The following PCGF5 variants were observed in gnomAD, a reference collection of about 807,000 sequenced individuals.
PCGF5 encodes the protein polycomb group RING finger protein 5.
PCGF5 carries 9 observed loss-of-function variants against 44.3 expected under a neutral mutation model. The ratio of observed to expected loss-of-function variants is 0.20; its 90% CI spans 0.12 to 0.35. PCGF5 has a LOEUF of 0.35. Among genes scored for constraint, PCGF5 ranks in the 10% least tolerant of loss-of-function variants. PCGF5 has a pLI of 1.00. For missense variants in PCGF5, 146 were observed against 305.3 expected, an observed-to-expected ratio of 0.48 and a Z score of 3.89; for synonymous variants, 95 against 102.5, an observed-to-expected ratio of 0.93 and a Z score of 0.44.
chr10:91,198,750 G>A (rs4933651), intron 1 of PCGF5, among the ~76,000 whole-genome samples: 141,482 of 152,322 alleles, frequency 0.93, 65,795 homozygotes, highest in African/African-American at 0.97. Flanking sequence ...CCAGGATGAC[G>A]TTTTGGCCTT....
At chr10:91,182,681 G>A (rs967130854) in intron 1 of PCGF5, among the ~76,000 whole-genome samples, 1 of 152,126 alleles carries the variant, frequency 6.6e-6, no homozygotes, top group Non-Finnish European at 1.5e-5. Flanking sequence ...TGGGCATTTA[G>A]TGCTATAAAT....
rs147337782 is a variant in PCGF5, at chr10:91,189,351, G to A, written c.-184+26270G>A. Among the ~76,000 whole-genome samples the A allele has an allele frequency of 5.3e-3, 812 of 152,254 alleles. 7 individuals carry two copies. Among genetic ancestry groups the A allele is most frequent in the African/African-American group, 0.018 (752 of 41,540 alleles). On this transcript the variant is annotated intron_variant, in intron 1 of 9. Coordinates refer to the PCGF5 transcript ENST00000614189. ...CTATCTCCACTAGACAGTGCACTCA[G>A]CAAAGGCAGGGAGGTGATGTTTTGA...
intron 1 of PCGF5, among the ~76,000 whole-genome samples, chr10:91,169,951 C>T (rs1843573658): frequency 6.6e-6 from 1 of 152,052 alleles, no homozygotes. Flanking sequence ...ATAGAGAGCC[C>T]ATAAATAGAC....
intron 3 of PCGF5, among the ~76,000 whole-genome samples, chr10:91,243,181 T>TA (rs1396321702): frequency 1.3e-5 from 2 of 152,176 alleles, no homozygotes; most frequent in Non-Finnish European, 2.9e-5. Flanking sequence ...GGCCTGAGTA[T>TA]ACCAGGAGAC....
chr10:91,182,298 G>A (rs201669512), intron 1 of PCGF5, among the ~76,000 whole-genome samples: 1 of 145,236 alleles, frequency 6.9e-6, no homozygotes, highest in African/African-American at 2.5e-5. Context: ...AGGGTGTATG[G>A]GTCCAGGAAT....
intron 5 of PCGF5, among the ~76,000 whole-genome samples, 194 bp from the exon 6 acceptor site, chr10:91,251,097 AT>A (rs34772046): frequency 0.024 from 3,390 of 138,648 alleles, 48 homozygotes; most frequent in Non-Finnish European, 0.032. Flanking sequence ...TAAGTTTCCA[AT>A]TTTTTTTTTT....
intron 7 of PCGF5, among the ~76,000 whole-genome samples, chr10:91,263,608 G>A (rs1355283822): frequency 6.6e-6 from 1 of 152,174 alleles, no homozygotes; most frequent in Non-Finnish European, 1.5e-5. Context: ...TATTTGTAGG[G>A]ATCGATGATA....
intron 2 of PCGF5, chr10:91,227,265 T>C (rs1336759689): frequency 4.2e-6 from 2 of 472,730 alleles, no homozygotes; most frequent in African/African-American, 2.0e-5. Flanking sequence ...TGAACTCATG[T>C]ATTCTGAGAC....
intron 1 of PCGF5, among the ~76,000 whole-genome samples, chr10:91,185,449 G>A (rs1843902988): frequency 2.6e-5 from 4 of 152,228 alleles, no homozygotes; most frequent in Non-Finnish European, 5.9e-5. Flanking sequence ...TCCGTGCCTG[G>A]CTGGAATTCC....
At chr10:91,207,374 G>A (rs999213470) in intron 1 of PCGF5, among the ~76,000 whole-genome samples, 5 of 152,240 alleles carry the variant, frequency 3.3e-5, no homozygotes, top group East Asian at 1.9e-4. Flanking sequence ...ATGAACATCC[G>A]TATATCTCTC....
intron 2 of PCGF5, among the ~76,000 whole-genome samples, chr10:91,238,512 A>G (rs1368359489): frequency 2.6e-5 from 4 of 151,890 alleles, no homozygotes; most frequent in Non-Finnish European, 4.4e-5. Flanking sequence ...GTTGAGTACA[A>G]TAAACCTTTT....
intron 1 of PCGF5, among the ~76,000 whole-genome samples, chr10:91,210,027 T>C (rs1268834990): frequency 6.6e-6 from 1 of 152,238 alleles, no homozygotes; most frequent in African/African-American, 2.4e-5. Context: ...CTTCTGGCAT[T>C]TAGATGGATA....
Position 91,248,573 on chromosome 10 carries a change from T to C in PCGF5, c.265+13T>C, listed in dbSNP as rs766472202. 1 of 1,612,134 alleles carries C rather than the reference T, an allele frequency of 6.2e-7. No homozygotes were observed. The highest frequency in any genetic ancestry group is 8.5e-7 in the Non-Finnish European group (1 of 1,178,570). On this transcript the variant is annotated intron_variant, in intron 4 of 9. Coordinates refer to ENST00000336126, the MANE Select transcript of PCGF5 (RefSeq NM_032373.5). ...GGACTACGAGAACGTAAGTGGCTCT[T>C]TAGGTTCTTGCAGACTTTTGTGTTT...
chr10:91,278,425 G>A lies in PCGF5; in HGVS notation c.*109G>A, dbSNP rs1846370097. 1.0e-6 allele frequency: 1 copy of A among 988,308 alleles called. No homozygotes were observed. Among genetic ancestry groups the A allele is most frequent in the Non-Finnish European group, 1.6e-6 (1 of 624,910 alleles). 61.2% of individuals were successfully genotyped at this position (988,308 alleles called of 1,614,324 possible). Reference sequence around the variant, plus strand: ...CTAGAGGAACACAACCAGATTTTCAGCATGCAAATAAGGCCATTGTCTATC... The same window carrying A: ...CTAGAGGAACACAACCAGATTTTCAACATGCAAATAAGGCCATTGTCTATC... On this transcript the variant is annotated 3_prime_UTR_variant, in exon 10 of 10. Coordinates refer to ENST00000336126, the MANE Select transcript of PCGF5 (RefSeq NM_032373.5).
chr10:91,261,195 G>C, intron 6 of PCGF5, 131 bp from the exon 7 acceptor site: 1 of 1,147,052 alleles, frequency 8.7e-7, no homozygotes, highest in Non-Finnish European at 1.1e-6. Context: ...GCTATAAATT[G>C]AAATGTTTTC....
intron 1 of PCGF5, among the ~76,000 whole-genome samples, chr10:91,187,404 T>C (rs1843947018): frequency 6.6e-6 from 1 of 152,126 alleles, no homozygotes; most frequent in Non-Finnish European, 1.5e-5. Context: ...TGAATGCACC[T>C]GCTTTGTGGA....
intron 9 of PCGF5, among the ~76,000 whole-genome samples, chr10:91,277,124 A>G (rs909327389): frequency 1.3e-5 from 2 of 152,146 alleles, no homozygotes; most frequent in African/African-American, 4.8e-5. Flanking sequence ...GGAGAGCAAG[A>G]CCTAGGGCAT....
rs1490536380 is a variant in PCGF5 at position 91,281,253 on chromosome 10, TAGA to T, written c.*2938_*2940del. The T allele has an allele frequency of 6.6e-6, 1 of 152,384 alleles. No individual in the cohort carries two copies. Among genetic ancestry groups the T allele is most frequent in the African/African-American group, 2.4e-5 (1 of 41,444 alleles). The allele number at this position is 152,384 out of a possible 1,614,324, so 9.4% of individuals were successfully genotyped here. ...TTGGGTAATGCCTTTTAACTACTCT[TAGA>T]GGAGTATATTATTTCTTTATACATT... On this transcript the variant is annotated 3_prime_UTR_variant, in exon 10 of 10. Coordinates refer to ENST00000336126, the MANE Select transcript of PCGF5 (RefSeq NM_032373.5).
intron 8 of PCGF5, among the ~76,000 whole-genome samples, chr10:91,269,894 T>C (rs1245112378): frequency 2.0e-5 from 3 of 152,218 alleles, no homozygotes; most frequent in African/African-American, 7.2e-5. Context: ...TATGAATCTT[T>C]TGCTGTTATG....
Sources: gnomAD v4.1 joint callset for allele counts (sites outside exome capture counted in the v4.1 genomes callset) on GRCh38, gnomAD v4.1.1 for gene constraint, MANE v1.5 for transcripts, NCBI Gene and HGNC (gene_info 2026-07-23, HGNC 2026-07-21) for gene names.